Variants in PRSS23 observed in about 807,000 individuals in gnomAD.
PRSS23 encodes protease, serine 23.
In PRSS23, 25 loss-of-function variants were observed where a neutral mutation model predicts 34.7. That is an observed-to-expected ratio of 0.72 (90% CI 0.53 to 1.01). PRSS23 has a LOEUF of 1.01. PRSS23 is among the 50% of genes least tolerant of loss of function. PRSS23 has a pLI of 0.00. For missense variants in PRSS23, 445 were observed against 475.6 expected (o/e 0.94, Z 0.60); for synonymous variants, 176 against 186.6 (o/e 0.94, Z 0.46).
intron 2 of PRSS23, chr11:86,910,386 A>C (rs1040425220): frequency 2.0e-5 from 3 of 152,184 alleles, no homozygotes; most frequent in African/African-American, 7.2e-5. Context: ...AAATAACCTC[A>C]AAACAGTGAG....
rs754065966 is a variant in PRSS23 at position 86,834,543 on chromosome 11, TTCC to T, written c.206+10952_206+10954del. Among the ~76,000 whole-genome samples the T allele has an allele frequency of 1.8e-3, 256 of 142,654 alleles. 3 individuals are homozygous for T. The highest frequency in any genetic ancestry group is 6.3e-3 in the African/African-American group (236 of 37,548). 93.6% of individuals were successfully genotyped at this position (142,654 alleles called of 152,430 possible). On this transcript the variant is annotated intron_variant, in intron 2 of 2. Transcript: ENST00000533902. ...TTCCTTTCCTTTCCTTTCCTTTCCT[TTCC>T]TTTCCTTTTTCCTTTCCTTTCCTTT...
At chr11:86,823,699 A>C in intron 2 of PRSS23, 1 of 662,352 alleles carries the variant, frequency 1.5e-6, no homozygotes, top group Non-Finnish European at 2.8e-6. Context: ...GCAATGTCAC[A>C]TTGGTTTCAT....
At chr11:86,931,000 G>C (rs142212853) in intron 2 of PRSS23, among the ~76,000 whole-genome samples, 27 of 152,264 alleles carry the variant, frequency 1.8e-4, no homozygotes, top group African/African-American at 5.1e-4. Context: ...AAAATGTCTG[G>C]ACTTGCTCCT....
At chr11:86,821,846 T>C (rs1948254845) in intron 1 of PRSS23, 1 of 479,360 alleles carries the variant, frequency 2.1e-6, no homozygotes, top group South Asian at 4.1e-5. Context: ...ATTGGCTCGA[T>C]TTAATAAGTA....
chr11:86,902,266 T>TTTA, intron 2 of PRSS23, among the ~76,000 whole-genome samples: 1 of 152,206 alleles, frequency 6.6e-6, no homozygotes, highest in Non-Finnish European at 1.5e-5. Context: ...CTTATCTATT[T>TTTA]GCTCCCAATT....
At chr11:86,834,536 CTTTCCTTTCCTTTCCTT>C (rs1478565783) in intron 2 of PRSS23, among the ~76,000 whole-genome samples, 2 of 137,056 alleles carry the variant, frequency 1.5e-5, no homozygotes, top group African/African-American at 2.7e-5. Context: ...CTTTCCTTTC[CTTTCCTTTCCTTTCCTT>C]TTTCCTTTCC....
At chr11:86,887,340 C>T (rs964017504) in intron 2 of PRSS23, among the ~76,000 whole-genome samples, 3 of 146,882 alleles carry the variant, frequency 2.0e-5, no homozygotes, top group East Asian at 2.0e-4. Flanking sequence ...CAACTCTGCC[C>T]AAGATGTGAA....
intron 2 of PRSS23, among the ~76,000 whole-genome samples, chr11:86,877,094 G>T (rs923663363): frequency 6.6e-6 from 1 of 152,190 alleles, no homozygotes; most frequent in Non-Finnish European, 1.5e-5. Context: ...ATCAAGATGG[G>T]TAATGTGCAG....
At chr11:86,794,275 T>C (rs1947967824) in intron 1 of PRSS23, among the ~76,000 whole-genome samples, 1 of 152,180 alleles carries the variant, frequency 6.6e-6, no homozygotes, top group South Asian at 2.1e-4. Flanking sequence ...TAAGATCCAG[T>C]ATGCAAGTTA....
chr11:86,847,755 C>T lies in PRSS23; in HGVS notation c.206+24162C>T, dbSNP rs555719654. 3.9e-5 allele frequency among the ~76,000 whole-genome samples: 6 copies of T among 152,272 alleles called. No homozygotes were observed. In the South Asian group the frequency reaches 1.2e-3, roughly 32 times the overall value. Reference sequence around the variant, plus strand: ...TCCTTACAAAATGGAGAAACTTGGCCCCCTGAGGGATGTATTAATTATAAC... The same window carrying T: ...TCCTTACAAAATGGAGAAACTTGGCTCCCTGAGGGATGTATTAATTATAAC... On this transcript the variant is annotated intron_variant, in intron 2 of 2. Transcript: ENST00000533902.
intron 1 of PRSS23, among the ~76,000 whole-genome samples, chr11:86,804,559 G>A (rs1478666591): frequency 6.6e-6 from 1 of 152,178 alleles, no homozygotes; most frequent in Non-Finnish European, 1.5e-5. Flanking sequence ...CAAAGTTAAA[G>A]CTTCACACTG....
chr11:86,872,759 G>T lies in PRSS23; in HGVS notation c.206+49166G>T, dbSNP rs1052467730. Among the ~76,000 whole-genome samples, 5 of 152,164 alleles carry T rather than the reference G, an allele frequency of 3.3e-5. No homozygotes were observed. In the East Asian group the frequency reaches 9.6e-4, roughly 29 times the overall value. The stretch of plus-strand genomic sequence containing the variant: ...AATACTGAACAACCCACCAGGAGTA[G>T]TAGAAAGAAATGGGAAAACAGAGAC... On this transcript the variant is annotated intron_variant, in intron 2 of 2. Coordinates refer to the PRSS23 transcript ENST00000533902.
intron 2 of PRSS23, among the ~76,000 whole-genome samples, chr11:86,838,724 G>A (rs1948425550): frequency 6.6e-6 from 1 of 152,144 alleles, no homozygotes; most frequent in Non-Finnish European, 1.5e-5. Flanking sequence ...CCCAGAAGGG[G>A]AGCAAAGACA....
At chr11:86,821,302 C>T in intron 1 of PRSS23, 2 of 587,904 alleles carry the variant, frequency 3.4e-6, no homozygotes, top group Non-Finnish European at 5.8e-6. Context: ...CAAATATCTA[C>T]CAATGATGAA....
intron 1 of PRSS23, among the ~76,000 whole-genome samples, chr11:86,792,303 G>T (rs74649529): frequency 0.02 from 3,017 of 152,208 alleles, 103 homozygotes; most frequent in African/African-American, 0.069. Flanking sequence ...TGGACTACTC[G>T]GCAATTGGAA....
chr11:86,851,533 G>C (rs1590893953), intron 2 of PRSS23, among the ~76,000 whole-genome samples: 1 of 152,352 alleles, frequency 6.6e-6, no homozygotes, highest in East Asian at 1.9e-4. Flanking sequence ...TGCAGGGAGA[G>C]GACTGGCCAA....
intron 2 of PRSS23, among the ~76,000 whole-genome samples, chr11:86,901,402 G>A (rs949684868): frequency 2.6e-5 from 4 of 152,184 alleles, no homozygotes; most frequent in Non-Finnish European, 4.4e-5. Flanking sequence ...TCCTGCTGTC[G>A]GAACTGAAAG....
chr11:86,830,972 G>A (rs183867179), intron 2 of PRSS23, among the ~76,000 whole-genome samples: 13 of 152,110 alleles, frequency 8.5e-5, no homozygotes, highest in East Asian at 3.9e-4. Flanking sequence ...TGTGCTACAC[G>A]GATGTTACTC....
At chr11:86,821,453 G>A in intron 1 of PRSS23, 1 of 1,588,444 alleles carries the variant, frequency 6.3e-7, no homozygotes, top group Non-Finnish European at 8.6e-7. Context: ...TATGTGTCTG[G>A]TATAGGCTAT....
Sources: gnomAD v4.1 joint callset for allele counts (sites outside exome capture counted in the v4.1 genomes callset) on GRCh38, gnomAD v4.1.1 for gene constraint, MANE v1.5 for transcripts, NCBI Gene and HGNC (gene_info 2026-07-23, HGNC 2026-07-21) for gene names.